Variants in CCSER1 observed in about 807,000 individuals in gnomAD.
CCSER1 encodes the protein coiled-coil serine rich protein 1.
Under a neutral mutation model 82.0 loss-of-function variants are expected in CCSER1, and 41 were observed. The ratio of observed to expected loss-of-function variants is 0.50; its 90% CI spans 0.39 to 0.65. The LOEUF (loss-of-function observed/expected upper bound fraction) is 0.65, where lower values mean the gene tolerates loss of function less well. Among genes scored for constraint, CCSER1 ranks in the 30% least tolerant of loss-of-function variants. CCSER1 has a pLI of 0.00. For missense variants in CCSER1, 1,119 were observed against 1,064.2 expected (o/e 1.05, Z -0.72); for synonymous variants, 414 against 383.9 (o/e 1.08, Z -0.92).
At chr4:90,367,529 A>G (rs967680739) in intron 3 of CCSER1, among the ~76,000 whole-genome samples, 8 of 152,080 alleles carry the variant, frequency 5.3e-5, no homozygotes, top group African/African-American at 1.9e-4. Flanking sequence ...AAAAGAAAAA[A>G]AGAATTTAAA....
At chr4:90,209,531 G>A (rs1258181265) in intron 1 of CCSER1, among the ~76,000 whole-genome samples, 1 of 151,946 alleles carries the variant, frequency 6.6e-6, no homozygotes, top group Non-Finnish European at 1.5e-5. Flanking sequence ...CTACCAGAGG[G>A]GCCCATGACC....
At chr4:91,191,870 T>C (rs2149049584) in intron 10 of CCSER1, among the ~76,000 whole-genome samples, 1 of 152,326 alleles carries the variant, frequency 6.6e-6, no homozygotes, top group African/African-American at 2.4e-5. Flanking sequence ...AGTAAATTCC[T>C]TTTCTACTTC....
At chr4:90,923,572 CT>C (rs1581098887) in intron 9 of CCSER1, 125 bp downstream of exon 9, 1 of 640,446 alleles carries the variant, frequency 1.6e-6, no homozygotes, top group Non-Finnish European at 2.7e-6. Flanking sequence ...CACCATTCAT[CT>C]TTTGCTCTTA....
At chr4:90,231,045 A>G (rs568323758) in intron 1 of CCSER1, among the ~76,000 whole-genome samples, 2 of 152,214 alleles carry the variant, frequency 1.3e-5, no homozygotes, top group East Asian at 1.9e-4. Flanking sequence ...CCAGAGGTAC[A>G]AGGAGGAACT....
At chr4:90,575,130 A>G (rs143025276) in intron 5 of CCSER1, among the ~76,000 whole-genome samples, 69 of 152,248 alleles carry the variant, frequency 4.5e-4, no homozygotes, top group African/African-American at 1.6e-3. Context: ...TTTAGTCATC[A>G]GTTGTCAGTG....
At chr4:90,227,679 A>T (rs1203946223) in intron 1 of CCSER1, among the ~76,000 whole-genome samples, 1 of 152,198 alleles carries the variant, frequency 6.6e-6, no homozygotes, top group Non-Finnish European at 1.5e-5. Flanking sequence ...GACGCAGAAG[A>T]TGGGTGATTT....
At chr4:90,831,993 A>G (rs1247106441) in intron 8 of CCSER1, among the ~76,000 whole-genome samples, 1 of 151,990 alleles carries the variant, frequency 6.6e-6, no homozygotes, top group Non-Finnish European at 1.5e-5. Context: ...TATATGTGTA[A>G]TTACGTTCTT....
intron 4 of CCSER1, among the ~76,000 whole-genome samples, chr4:90,435,890 T>C (rs996939042): frequency 2.0e-5 from 3 of 152,076 alleles, no homozygotes; most frequent in Non-Finnish European, 2.9e-5. Flanking sequence ...TCAATCTATA[T>C]ATGTTAGATA....
At chr4:91,025,131 A>T (rs1031991064) in intron 9 of CCSER1, among the ~76,000 whole-genome samples, 1 of 152,132 alleles carries the variant, frequency 6.6e-6, no homozygotes, top group Non-Finnish European at 1.5e-5. Context: ...CATTCTGAAG[A>T]TTGTAAAGAT....
chr4:90,886,457 C>A (rs1219102481), intron 8 of CCSER1, among the ~76,000 whole-genome samples: 1 of 152,132 alleles, frequency 6.6e-6, no homozygotes, highest in African/African-American at 2.4e-5. Context: ...ATTTTAAACA[C>A]CATTGGGGGA....
chr4:90,502,992 C>T (rs900005373), intron 5 of CCSER1, among the ~76,000 whole-genome samples: 5 of 152,088 alleles, frequency 3.3e-5, no homozygotes, highest in African/African-American at 4.8e-5. Context: ...CTAGAATCAC[C>T]GCTAAGGTAG....
chr4:90,391,443 G>GGT (rs1417087415), intron 3 of CCSER1, among the ~76,000 whole-genome samples: 11 of 36,938 alleles, frequency 3.0e-4, no homozygotes, highest in South Asian at 1.8e-3. Context: ...AATATATGGG[G>GGT]GTATATATAT....
At chr4:90,870,225 C>T (rs1218279983) in intron 8 of CCSER1, among the ~76,000 whole-genome samples, 3 of 151,902 alleles carry the variant, frequency 2.0e-5, no homozygotes, top group Admixed American at 6.6e-5. Flanking sequence ...ACTTCCAGTA[C>T]TATGTTGAAT....
At chr4:90,615,755 T>A (rs966761470) in intron 5 of CCSER1, among the ~76,000 whole-genome samples, 1 of 151,746 alleles carries the variant, frequency 6.6e-6, no homozygotes, top group African/African-American at 2.4e-5. Flanking sequence ...CAACAAAAAA[T>A]TTAGAATATT....
At chr4:91,088,117 T>C (rs1218827806) in intron 10 of CCSER1, among the ~76,000 whole-genome samples, 2 of 152,244 alleles carry the variant, frequency 1.3e-5, no homozygotes, top group East Asian at 3.9e-4. Flanking sequence ...ATTCTGATTA[T>C]GTTAAATTGA....
chr4:90,177,017 T>A (rs1389497341), intron 1 of CCSER1, among the ~76,000 whole-genome samples: 1 of 152,008 alleles, frequency 6.6e-6, no homozygotes. Context: ...CTTGAAGCAA[T>A]GAATCAGAGC....
intron 10 of CCSER1, among the ~76,000 whole-genome samples, chr4:91,388,154 T>C (rs1751421612): frequency 6.6e-6 from 1 of 152,064 alleles, no homozygotes; most frequent in East Asian, 1.9e-4. Context: ...GTGCTGAGAT[T>C]ACAGGCATGA....
chr4:91,144,951 A>G (rs1441919864), intron 10 of CCSER1, among the ~76,000 whole-genome samples: 2 of 151,790 alleles, frequency 1.3e-5, no homozygotes, highest in African/African-American at 4.8e-5. Flanking sequence ...TAGGTGGAAT[A>G]CTCTGTTGAT....
chr4:91,246,499 A>G (rs563423730), intron 10 of CCSER1, among the ~76,000 whole-genome samples: 5 of 152,306 alleles, frequency 3.3e-5, no homozygotes, highest in Middle Eastern at 3.4e-3. Flanking sequence ...AAAACTAAAA[A>G]GTGAGCTACC....
Sources: gnomAD v4.1 joint callset for allele counts (sites outside exome capture counted in the v4.1 genomes callset) on GRCh38, gnomAD v4.1.1 for gene constraint, MANE v1.5 for transcripts, NCBI Gene and HGNC (gene_info 2026-07-23, HGNC 2026-07-21) for gene names.